Variants in ERG observed in about 807,000 individuals in gnomAD.
The protein encoded by ERG is ETS transcription factor ERG, also known as transcriptional regulator ERG.
In ERG, 9 loss-of-function variants were observed where a neutral mutation model predicts 55.3. The ratio of observed to expected loss-of-function variants is 0.16; its 90% CI spans 0.10 to 0.28. The LOEUF is 0.28. Among genes scored for constraint, ERG ranks in the 10% least tolerant of loss-of-function variants. The pLI, the probability that ERG is intolerant of heterozygous loss-of-function variation, is 1.00. For missense variants in ERG, 434 were observed against 631.6 expected (o/e 0.69, Z 3.35); for synonymous variants, 223 against 237.3 (o/e 0.94, Z 0.55).
At chr21:38,387,383 A>G (rs1987742917) in intron 9 of ERG, among the ~76,000 whole-genome samples, 2 of 152,126 alleles carry the variant, frequency 1.3e-5, no homozygotes, top group Admixed American at 1.3e-4. Flanking sequence ...AGGCTCAGTG[A>G]GGCTCAGGCA....
intron 1 of ERG, among the ~76,000 whole-genome samples, chr21:38,640,148 AATTGAAAATC>A (rs898991814): frequency 3.9e-5 from 6 of 152,224 alleles, no homozygotes; most frequent in East Asian, 1.9e-4. Flanking sequence ...ATGAAAAATC[AATTGAAAATC>A]ATTGAAAATC....
chr21:38,464,687 G>C (rs1211022619), intron 1 of ERG, among the ~76,000 whole-genome samples: 1 of 151,854 alleles, frequency 6.6e-6, no homozygotes, highest in Non-Finnish European at 1.5e-5. Flanking sequence ...TCTACATTAG[G>C]TATTTCTCCT....
chr21:38,597,472 T>TACACACACACACACACACACACACAC (rs3065420), intron 1 of ERG, among the ~76,000 whole-genome samples: 1 of 148,154 alleles, frequency 6.7e-6, no homozygotes, highest in East Asian at 2.0e-4. Flanking sequence ...TATATATATC[T>TACACACACACACACACACACACACAC]ACACACACAC....
At chr21:38,462,475 C>G (rs1188588073) in intron 1 of ERG, among the ~76,000 whole-genome samples, 4 of 152,112 alleles carry the variant, frequency 2.6e-5, no homozygotes, top group African/African-American at 9.7e-5. Flanking sequence ...GGCTAGGACA[C>G]AGTCTGTACT....
At chr21:38,531,631 C>G (rs560655064) in intron 2 of ERG, among the ~76,000 whole-genome samples, 32 of 152,178 alleles carry the variant, frequency 2.1e-4, no homozygotes, top group African/African-American at 7.5e-4. Context: ...ATATGTAGAA[C>G]AGCGGCAAGC....
intron 1 of ERG, among the ~76,000 whole-genome samples, chr21:38,463,275 T>C (rs79970259): frequency 0.079 from 12,082 of 152,116 alleles, 804 homozygotes; most frequent in African/African-American, 0.18. Flanking sequence ...AATACTAAGA[T>C]CAAGTGGCTG....
chr21:38,554,225 G>A (rs891673816), intron 2 of ERG, among the ~76,000 whole-genome samples: 1 of 152,172 alleles, frequency 6.6e-6, no homozygotes, highest in Non-Finnish European at 1.5e-5. Context: ...GTTATATGCT[G>A]CGTGTGTGAA....
At chr21:38,466,300 G>GGTGTGTGTGTGT (rs145670035) in intron 1 of ERG, among the ~76,000 whole-genome samples, 40,578 of 140,250 alleles carry the variant, frequency 0.29, 7,171 homozygotes, top group Non-Finnish European at 0.4. Context: ...GATGGTCTGG[G>GGTGTGTGTGTGT]GTGTGTGTGT....
upstream of ERG, among the ~76,000 whole-genome samples, chr21:38,589,413 G>A (rs561572429): frequency 1.2e-4 from 18 of 152,280 alleles, no homozygotes; most frequent in African/African-American, 4.3e-4. Context: ...CTCCCTTATG[G>A]AAGGAAACAT....
intron 2 of ERG, among the ~76,000 whole-genome samples, chr21:38,429,291 C>T (rs1238643195): frequency 6.6e-6 from 1 of 150,744 alleles, no homozygotes; most frequent in Non-Finnish European, 1.5e-5. Flanking sequence ...CATATACCCA[C>T]ACATATACAT....
At position 38,577,359 on chromosome 21, in the gene ERG, G is replaced by T. The variant is rs550602905; in HGVS notation, c.-126-1612C>A. Among the ~76,000 whole-genome samples the T allele has an allele frequency of 2.0e-5, 3 of 152,262 alleles. No homozygotes were observed. In the East Asian group the frequency reaches 5.8e-4, roughly 29 times the overall value. ...AGGCCTCCCAAGATTGGCGGAGCTTGGCTCACCAAGAAGATGACATGCTGG... is the reference window on the plus strand; with the variant it reads ...AGGCCTCCCAAGATTGGCGGAGCTTTGCTCACCAAGAAGATGACATGCTGG... On this transcript the variant is annotated intron_variant, in intron 1 of 8. Transcript: ENST00000398897.
chr21:38,400,743 G>A, intron 5 of ERG, 98 bp from the exon 6 acceptor site: 2 of 876,530 alleles, frequency 2.3e-6, no homozygotes, highest in Non-Finnish European at 3.6e-6. Context: ...GACAACAAAG[G>A]GAAGAGACCT....
intron 1 of ERG, among the ~76,000 whole-genome samples, chr21:38,614,937 A>T (rs2060249966): frequency 6.6e-6 from 1 of 152,236 alleles, no homozygotes; most frequent in Non-Finnish European, 1.5e-5. Flanking sequence ...CTCAGCACAA[A>T]TGTGTAAGTG....
At chr21:38,589,863 T>C (rs903338919), upstream of ERG, among the ~76,000 whole-genome samples, 4 of 152,162 alleles carry the variant, frequency 2.6e-5, no homozygotes, top group Admixed American at 2.0e-4. Context: ...TAAACCATTT[T>C]GAATTGGGGT....
At chr21:38,503,562 A>G (rs1002203267) in intron 2 of ERG, among the ~76,000 whole-genome samples, 12 of 152,142 alleles carry the variant, frequency 7.9e-5, no homozygotes, top group African/African-American at 2.9e-4. Flanking sequence ...AGCCTATCTC[A>G]GTCTCCTCAA....
rs16996295 is a variant in ERG, at chr21:38,431,435, C to G, written c.237-7874G>C. Among the ~76,000 whole-genome samples the G allele has an allele frequency of 2.0e-5, 3 of 152,252 alleles. No individual in the cohort carries two copies. In the East Asian group the frequency reaches 5.8e-4, roughly 29 times the overall value. ...GTGGTTTTAAATAGCCATTATTCCC[C>G]TACCTGTGTGCAAGCTATGTGAAGT... On this transcript the variant is annotated intron_variant, in intron 2 of 9. Coordinates refer to ENST00000288319, the MANE Select transcript of ERG (RefSeq NM_182918.4).
In ERG at chr21:38,421,258, A is replaced by G. The variant is rs956161174; in HGVS notation, c.388+2152T>C. Among the ~76,000 whole-genome samples the G allele has an allele frequency of 3.9e-5, 6 of 152,326 alleles. No homozygotes were observed. The East Asian group carries it at 1.2e-3, about 29-fold the overall frequency. ...TGTCAACTGCCTTTCAGTAAATACT[A>G]AGGACGGTTTTCTCCCTTTCGTAAT... On this transcript the variant is annotated intron_variant, in intron 3 of 9. Coordinates refer to ENST00000288319, the MANE Select transcript of ERG (RefSeq NM_182918.4).
intron 2 of ERG, among the ~76,000 whole-genome samples, chr21:38,504,189 CTG>C (rs777590304): frequency 6.6e-6 from 1 of 152,200 alleles, no homozygotes; most frequent in Non-Finnish European, 1.5e-5. Flanking sequence ...ACCAAGGAAA[CTG>C]TTATCACATA....
chr21:38,445,017 T>A (rs895820614), intron 2 of ERG, among the ~76,000 whole-genome samples: 4 of 152,186 alleles, frequency 2.6e-5, no homozygotes, highest in African/African-American at 7.2e-5. Context: ...CAAAGAGAGT[T>A]CTTGGTAAAT....
Sources: allele counts gnomAD v4.1 joint callset (sites outside exome capture counted in the v4.1 genomes callset), GRCh38; gene constraint gnomAD v4.1.1; transcripts MANE v1.5; gene names NCBI Gene and HGNC (gene_info 2026-07-23, HGNC 2026-07-21).